The following SLC12A1 variants were observed in gnomAD, a reference collection of about 807,000 sequenced individuals.
SLC12A1 encodes the protein Na-K-2Cl cotransporter.
A neutral mutation model predicts 130.4 loss-of-function variants in SLC12A1; 89 were observed. That is an observed-to-expected ratio of 0.68 (90% CI 0.58 to 0.81). The LOEUF (loss-of-function observed/expected upper bound fraction) is 0.81, where lower values mean the gene tolerates loss of function less well. Among genes scored for constraint, SLC12A1 ranks in the 40% least tolerant of loss-of-function variants. The pLI, the probability that SLC12A1 is intolerant of heterozygous loss-of-function variation, is 0.00. For missense variants in SLC12A1, 1,310 were observed against 1,336.4 expected, an observed-to-expected ratio of 0.98 and a Z score of 0.31; for synonymous variants, 499 against 460.0, an observed-to-expected ratio of 1.08 and a Z score of -1.09.
Position 48,269,767 on chromosome 15 carries a change from A to G in SLC12A1, c.2402+3A>G, listed in dbSNP as rs1020566815. ...GAGAACTACGTGGGAATCATACAGT[A>G]AGTGATGGCTTTCAAGACGTGTTCT... On this transcript the variant is annotated splice_donor_region_variant and intron_variant, in intron 19 of 26. Transcript: ENST00000380993. The G allele has an allele frequency of 2.0e-6, 3 of 1,520,822 alleles. No homozygotes were observed. The highest frequency in any genetic ancestry group is 3.3e-5 in the Admixed American group (2 of 59,818). 94.2% of individuals were successfully genotyped at this position (1,520,822 alleles called of 1,614,324 possible). A position where few individuals can be genotyped will look rare whatever the true frequency, so the allele number is the denominator to read the frequency against.
At chr15:48,298,158 T>C (rs1466028539) in intron 24 of SLC12A1, among the ~76,000 whole-genome samples, 1 of 152,252 alleles carries the variant, frequency 6.6e-6, no homozygotes, top group Non-Finnish European at 1.5e-5. Context: ...ATATTTTCAC[T>C]TCTTGACTTA....
At chr15:48,237,268 T>C (rs2041450754) in intron 9 of SLC12A1, 2 of 486,188 alleles carry the variant, frequency 4.1e-6, no homozygotes, top group African/African-American at 1.9e-5. Context: ...CCAAGAAAGA[T>C]GCTGCTAATG....
At chr15:48,252,742 CAG>C (rs1264985246) in intron 15 of SLC12A1, among the ~76,000 whole-genome samples, 1 of 151,284 alleles carries the variant, frequency 6.6e-6, no homozygotes, top group Non-Finnish European at 1.5e-5. Flanking sequence ...TTTGGTTAAT[CAG>C]AGTCAGGGAA....
At position 48,232,765 on chromosome 15, in the gene SLC12A1, T is replaced by A. The variant is rs756416795; in HGVS notation, c.1014T>A (p.Ile338=). The part of the protein sequence containing the change: ...VILLVILLIA[I]ANFFIGTVIP... Reference sequence around the variant, plus strand: ...TTCTGGTCATTCTTCTAATTGCTATTGCAAACTTCTTCATTGGAACTGTCA... The same window carrying A: ...TTCTGGTCATTCTTCTAATTGCTATAGCAAACTTCTTCATTGGAACTGTCA... The change falls in exon 8 of 27, where the codon ATT becomes ATA. Residue 338 remains isoleucine (I), a synonymous_variant. Coordinates refer to ENST00000380993, the MANE Select transcript of SLC12A1 (RefSeq NM_000338.3). The A allele has an allele frequency of 1.2e-6, 2 of 1,613,378 alleles. No homozygotes were observed.
intron 21 of SLC12A1, among the ~76,000 whole-genome samples, chr15:48,286,809 C>T (rs974046346): frequency 2.6e-5 from 4 of 152,224 alleles, no homozygotes; most frequent in African/African-American, 9.6e-5. Context: ...TGCTTGTCAA[C>T]TCTTTTGAGT....
At chr15:48,222,152 A>C (rs2141020396) in intron 4 of SLC12A1, among the ~76,000 whole-genome samples, 1 of 152,338 alleles carries the variant, frequency 6.6e-6, no homozygotes, top group Non-Finnish European at 1.5e-5. Flanking sequence ...GAAAATCTGC[A>C]TCTTAATATT....
At chr15:48,206,534 C>T (rs1266231153) in intron 1 of SLC12A1, among the ~76,000 whole-genome samples, 2 of 151,996 alleles carry the variant, frequency 1.3e-5, no homozygotes, top group Non-Finnish European at 2.9e-5. Context: ...AAATACACAG[C>T]TTTAATAACT....
chr15:48,289,428 T>TATATAA (rs1555386656), intron 23 of SLC12A1, among the ~76,000 whole-genome samples: 38 of 106,796 alleles, frequency 3.6e-4, no homozygotes, highest in Non-Finnish European at 6.9e-4. Context: ...TATATATATA[T>TATATAA]AATGTATAAC....
chr15:48,281,432 G>C (rs565970645), intron 20 of SLC12A1, among the ~76,000 whole-genome samples: 1 of 152,194 alleles, frequency 6.6e-6, no homozygotes, highest in Admixed American at 6.5e-5. Flanking sequence ...AAGGTATTAC[G>C]GAAATACAGA....
At chr15:48,283,177 C>G (rs1432862426) in intron 20 of SLC12A1, among the ~76,000 whole-genome samples, 1 of 152,152 alleles carries the variant, frequency 6.6e-6, no homozygotes, top group Non-Finnish European at 1.5e-5. Flanking sequence ...GAATGCCATT[C>G]TTGCTCTGTT....
At chr15:48,219,187 T>C (rs1276695795) in intron 2 of SLC12A1, among the ~76,000 whole-genome samples, 2 of 152,226 alleles carry the variant, frequency 1.3e-5, no homozygotes, top group Non-Finnish European at 2.9e-5. Flanking sequence ...AATAACATTC[T>C]TGTCATCATC....
chr15:48,259,100 C>A, intron 16 of SLC12A1, 100 bp from the exon 17 acceptor site: 2 of 728,778 alleles, frequency 2.7e-6, no homozygotes, highest in South Asian at 1.8e-5. Flanking sequence ...AGAGGTTGCC[C>A]CATTTTTCCA....
chr15:48,289,119 T>G (rs1388467387), intron 23 of SLC12A1, among the ~76,000 whole-genome samples: 1 of 150,924 alleles, frequency 6.6e-6, no homozygotes, highest in African/African-American at 2.4e-5. Context: ...TCCCACAGTG[T>G]AAGTCTGTAT....
intron 23 of SLC12A1, among the ~76,000 whole-genome samples, chr15:48,290,807 T>C (rs879798741): frequency 1.3e-5 from 2 of 152,192 alleles, no homozygotes; most frequent in Non-Finnish European, 1.5e-5. Flanking sequence ...AAGAGGATCA[T>C]ATTAACATGG....
At chr15:48,276,488 A>G (rs1307147374) in intron 20 of SLC12A1, among the ~76,000 whole-genome samples, 3 of 152,164 alleles carry the variant, frequency 2.0e-5, no homozygotes, top group Non-Finnish European at 4.4e-5. Flanking sequence ...ATGTCCTTAT[A>G]AGAAGAGATT....
intron 16 of SLC12A1, 72 bp downstream of exon 16, chr15:48,255,982 G>A (rs2041703373): frequency 1.1e-6 from 1 of 899,434 alleles, no homozygotes; most frequent in Non-Finnish European, 1.8e-6. Flanking sequence ...AGAGACAAGG[G>A]CATTCAAGTA....
intron 20 of SLC12A1, among the ~76,000 whole-genome samples, chr15:48,275,472 A>T (rs2041942534): frequency 6.6e-6 from 1 of 152,180 alleles, no homozygotes; most frequent in South Asian, 2.1e-4. Context: ...GCATTATAAT[A>T]GGTATAAATA....
intron 10 of SLC12A1, 49 bp downstream of exon 10, chr15:48,241,648 A>G (rs967664156): frequency 3.8e-6 from 5 of 1,328,544 alleles, no homozygotes; most frequent in Non-Finnish European, 5.4e-6. Context: ...CGAGGGGTCC[A>G]GTTGTTCACG....
chr15:48,221,241 T>TA, intron 4 of SLC12A1: 1 of 675,832 alleles, frequency 1.5e-6, no homozygotes, highest in Non-Finnish European at 2.7e-6. Context: ...TCTCTTTTGA[T>TA]AGAGTTTTAG....
Sources: allele counts gnomAD v4.1 joint callset (sites outside exome capture counted in the v4.1 genomes callset), GRCh38; gene constraint gnomAD v4.1.1; transcripts MANE v1.5; gene names NCBI Gene and HGNC (gene_info 2026-07-23, HGNC 2026-07-21).